Variants in SNTG1 observed in about 807,000 individuals in gnomAD.
SNTG1 encodes syntrophin gamma 1, also known as gamma-1-syntrophin.
SNTG1 carries 39 observed loss-of-function variants against 74.7 expected under a neutral mutation model. That is an observed-to-expected ratio of 0.52 (90% CI 0.40 to 0.68). SNTG1 has a LOEUF of 0.68. Among genes scored for constraint, SNTG1 ranks in the 30% least tolerant of loss-of-function variants. The pLI is 0.00. For missense variants in SNTG1, 685 were observed against 609.5 expected, an observed-to-expected ratio of 1.12 and a Z score of -1.30; for synonymous variants, 254 against 217.1, an observed-to-expected ratio of 1.17 and a Z score of -1.49.
intron 2 of SNTG1, among the ~76,000 whole-genome samples, chr8:50,354,132 T>G (rs1457530420): frequency 6.6e-6 from 1 of 152,196 alleles, no homozygotes; most frequent in Non-Finnish European, 1.5e-5. Context: ...AGCCAGCCTG[T>G]TCTTTCTGCA....
intron 17 of SNTG1, among the ~76,000 whole-genome samples, chr8:50,730,275 T>C (rs768353902): frequency 2.9e-4 from 44 of 152,306 alleles, no homozygotes; most frequent in Admixed American, 1.6e-3. Flanking sequence ...ATGCCACATA[T>C]TGAGTGAGGC....
chr8:50,449,996 C>A (rs1468290767), intron 6 of SNTG1, among the ~76,000 whole-genome samples: 1 of 152,152 alleles, frequency 6.6e-6, no homozygotes, highest in Non-Finnish European at 1.5e-5. Context: ...TCAGTTGTTT[C>A]ATTAAACCAA....
At chr8:50,211,156 T>C (rs1045132096) in intron 2 of SNTG1, among the ~76,000 whole-genome samples, 42 of 152,246 alleles carry the variant, frequency 2.8e-4, no homozygotes, top group African/African-American at 9.9e-4. Flanking sequence ...GCACAATGGA[T>C]TTTTTAAAAT....
chr8:49,941,509 T>G (rs773616869), intron 1 of SNTG1, among the ~76,000 whole-genome samples: 1 of 148,062 alleles, frequency 6.8e-6, no homozygotes, highest in African/African-American at 2.4e-5. Context: ...TATATTTATA[T>G]ATTATATATT....
intron 1 of SNTG1, among the ~76,000 whole-genome samples, chr8:50,055,211 C>G (rs1819920949): frequency 6.6e-6 from 1 of 152,062 alleles, no homozygotes; most frequent in Admixed American, 6.6e-5. Flanking sequence ...TTTCCCTGAT[C>G]ACCCCCAAGT....
chr8:50,022,366 C>CT (rs1563484912), intron 1 of SNTG1, among the ~76,000 whole-genome samples: 1 of 152,100 alleles, frequency 6.6e-6, no homozygotes, highest in African/African-American at 2.4e-5. Context: ...TCCAGCAAGG[C>CT]TTGAGAAGGC....
At chr8:50,112,733 G>A (rs1389592214) in intron 1 of SNTG1, among the ~76,000 whole-genome samples, 2 of 151,810 alleles carry the variant, frequency 1.3e-5, no homozygotes, top group Non-Finnish European at 2.9e-5. Context: ...ATGTTGGCCA[G>A]GCTGGTCTCA....
intron 2 of SNTG1, among the ~76,000 whole-genome samples, chr8:50,337,045 A>G (rs1395749094): frequency 6.6e-6 from 1 of 152,208 alleles, no homozygotes; most frequent in Admixed American, 6.5e-5. Context: ...AAATGTATTG[A>G]TAGTCCCCCT....
chr8:50,480,815 A>T (rs2093733998), intron 8 of SNTG1, among the ~76,000 whole-genome samples: 1 of 152,216 alleles, frequency 6.6e-6, no homozygotes, highest in South Asian at 2.1e-4. Flanking sequence ...TATATTTAAC[A>T]ATATTAAATA....
At chr8:50,078,449 C>A (rs1170666513) in intron 1 of SNTG1, among the ~76,000 whole-genome samples, 1 of 152,130 alleles carries the variant, frequency 6.6e-6, no homozygotes, top group East Asian at 1.9e-4. Context: ...ATGTTTGGTA[C>A]ATTTCAGTAT....
At chr8:50,125,783 C>T (rs2081119304) in intron 1 of SNTG1, among the ~76,000 whole-genome samples, 1 of 152,050 alleles carries the variant, frequency 6.6e-6, no homozygotes, top group Admixed American at 6.6e-5. Context: ...TTAAGATGTG[C>T]TGGGTGGCAA....
rs373932988 is a variant in SNTG1, at chr8:50,374,474, T to C, written c.-27-19738T>C. ...TTGTAATGCATGGTACATTTTTATA[T>C]GGGCAGCTCAACTGTTGTAAGGCGC... is the stretch of plus-strand genomic sequence containing the variant. On this transcript the variant is annotated intron_variant, in intron 2 of 18. Coordinates refer to ENST00000642720, the MANE Select transcript of SNTG1 (RefSeq NM_018967.5). 5.3e-5 allele frequency among the ~76,000 whole-genome samples: 8 copies of C among 152,336 alleles called. No homozygotes were observed. The South Asian group carries it at 6.2e-4, about 12-fold the overall frequency.
Position 50,693,662 on chromosome 8 carries a change from A to G in SNTG1, c.1039-10938A>G, listed in dbSNP as rs7006234. On this transcript the variant is annotated intron_variant, in intron 15 of 18. Transcript: ENST00000642720. ...TCCACTTAACAGCAACAGAATACAC[A>G]TTCTGCTCAAGCACATATGGGACAT... Among the ~76,000 whole-genome samples, 448 of 152,298 alleles carry G rather than the reference A, an allele frequency of 2.9e-3. 3 individuals carry two copies. The highest frequency in any genetic ancestry group is 0.01 in the African/African-American group (432 of 41,558).
At chr8:50,570,099 T>A (rs887779411) in intron 12 of SNTG1, among the ~76,000 whole-genome samples, 3 of 152,010 alleles carry the variant, frequency 2.0e-5, no homozygotes, top group African/African-American at 7.2e-5. Flanking sequence ...TTAATTTTTT[T>A]AACAAGTTTT....
intron 1 of SNTG1, among the ~76,000 whole-genome samples, chr8:50,110,228 A>G (rs758500097): frequency 2.0e-5 from 3 of 152,096 alleles, no homozygotes; most frequent in Non-Finnish European, 4.4e-5. Flanking sequence ...GTCATAAGGG[A>G]CATTGCTTTC....
At chr8:50,671,080 C>T (rs1015940689) in intron 15 of SNTG1, among the ~76,000 whole-genome samples, 1 of 151,394 alleles carries the variant, frequency 6.6e-6, no homozygotes, top group Non-Finnish European at 1.5e-5. Context: ...GACCTAAAAC[C>T]ATAAAAACCC....
In SNTG1 at chr8:50,504,136, C is replaced by T. The variant is rs868363026; in HGVS notation, c.466+1256C>T. 5.3e-5 allele frequency among the ~76,000 whole-genome samples: 8 copies of T among 152,106 alleles called. No individual in the cohort carries two copies. In the South Asian group the frequency reaches 1.5e-3, roughly 28 times the overall value. ...GTTAGTTTGCTAGGGATAATGGCCT[C>T]CAGCTCCATCCATCCATGTCCCTGC... On this transcript the variant is annotated intron_variant, in intron 9 of 18. Coordinates refer to ENST00000642720, the MANE Select transcript of SNTG1 (RefSeq NM_018967.5).
At chr8:49,950,037 G>A (rs1011486537) in intron 1 of SNTG1, among the ~76,000 whole-genome samples, 2 of 152,166 alleles carry the variant, frequency 1.3e-5, no homozygotes, top group African/African-American at 4.8e-5. Context: ...TGAAGCAGGA[G>A]AATTGTTTGA....
chr8:50,415,647 A>G (rs1326466699), intron 4 of SNTG1, among the ~76,000 whole-genome samples: 2 of 152,128 alleles, frequency 1.3e-5, no homozygotes, highest in Admixed American at 6.6e-5. Flanking sequence ...CTCTTTCAGT[A>G]TATTATATAA....
Sources: gnomAD v4.1 joint callset for allele counts (sites outside exome capture counted in the v4.1 genomes callset) on GRCh38, gnomAD v4.1.1 for gene constraint, MANE v1.5 for transcripts, NCBI Gene and HGNC (gene_info 2026-07-23, HGNC 2026-07-21) for gene names.